AK5: variants seen among roughly 807,000 people sequenced by gnomAD.
The protein encoded by AK5 is adenylate kinase 5, also known as adenylate kinase isoenzyme 5.
Under a neutral mutation model 69.5 loss-of-function variants are expected in AK5, and 27 were observed. That is an observed-to-expected ratio of 0.39 (90% CI 0.29 to 0.54). The LOEUF is 0.54. Ranked by LOEUF, AK5 falls within the 20% of genes least tolerant of loss-of-function variation. The pLI, the probability that AK5 is intolerant of heterozygous loss-of-function variation, is 0.71. For synonymous variants in AK5, 260 were observed against 244.4 expected (o/e 1.06, Z -0.60); for missense variants, 531 against 700.4 (o/e 0.76, Z 2.73).
At chr1:77,466,860 T>A (rs527491882) in intron 8 of AK5, among the ~76,000 whole-genome samples, 7 of 152,226 alleles carry the variant, frequency 4.6e-5, no homozygotes, top group African/African-American at 1.4e-4. Flanking sequence ...AACACATGAG[T>A]CTTGGAGGGG....
intron 6 of AK5, among the ~76,000 whole-genome samples, chr1:77,370,450 G>A (rs1647098836): frequency 6.6e-6 from 1 of 152,016 alleles, no homozygotes; most frequent in South Asian, 2.1e-4. Context: ...AACAGACTTG[G>A]GGGGACTTGG....
intron 5 of AK5, among the ~76,000 whole-genome samples, chr1:77,322,731 G>A (rs1231428799): frequency 6.6e-6 from 1 of 152,038 alleles, no homozygotes; most frequent in Non-Finnish European, 1.5e-5. Context: ...TTTCTCCAGT[G>A]CTCTCTCCAC....
At chr1:77,454,994 G>C (rs74092625) in intron 8 of AK5, among the ~76,000 whole-genome samples, 4,994 of 152,240 alleles carry the variant, frequency 0.033, 222 homozygotes, top group East Asian at 0.19. Context: ...AAGCAATGAT[G>C]ATTAACAGCT....
At chr1:77,439,567 C>G (rs954346358) in intron 8 of AK5, among the ~76,000 whole-genome samples, 1 of 152,066 alleles carries the variant, frequency 6.6e-6, no homozygotes, top group Admixed American at 6.6e-5. Context: ...ATCACTCTTC[C>G]TAGCCTCTGG....
At chr1:77,319,669 C>G (rs988206556) in intron 5 of AK5, among the ~76,000 whole-genome samples, 2 of 152,152 alleles carry the variant, frequency 1.3e-5, no homozygotes, top group African/African-American at 4.8e-5. Flanking sequence ...TCCTTAATGT[C>G]TTTAATAGAA....
intron 13 of AK5, among the ~76,000 whole-genome samples, chr1:77,543,999 A>G (rs1659414404): frequency 6.6e-6 from 1 of 152,208 alleles, no homozygotes; most frequent in African/African-American, 2.4e-5. Flanking sequence ...TGCATCATTA[A>G]GCAATTTTGT....
At chr1:77,384,723 A>G (rs941642615) in intron 6 of AK5, among the ~76,000 whole-genome samples, 3 of 152,238 alleles carry the variant, frequency 2.0e-5, no homozygotes, top group Non-Finnish European at 2.9e-5. Flanking sequence ...ACTAGAAATA[A>G]TTCAATGCCC....
At chr1:77,424,792 C>G (rs1251048129) in intron 8 of AK5, among the ~76,000 whole-genome samples, 1 of 152,048 alleles carries the variant, frequency 6.6e-6, no homozygotes, top group Non-Finnish European at 1.5e-5. Flanking sequence ...AAAGATGTAA[C>G]ATATGCATAA....
chr1:77,401,895 G>A (rs1199899445), intron 6 of AK5, among the ~76,000 whole-genome samples: 1 of 152,128 alleles, frequency 6.6e-6, no homozygotes, highest in East Asian at 1.9e-4. Flanking sequence ...GGAATTTGGT[G>A]AGCATTTCAT....
At chr1:77,391,495 GTATATATA>G (rs753916010) in intron 6 of AK5, among the ~76,000 whole-genome samples, 33 of 63,398 alleles carry the variant, frequency 5.2e-4, no homozygotes, top group East Asian at 1.3e-3. Context: ...GTGTGTGTGT[GTATATATA>G]TATATATATA....
intron 8 of AK5, among the ~76,000 whole-genome samples, chr1:77,469,868 C>T (rs1311840230): frequency 6.6e-6 from 1 of 152,056 alleles, no homozygotes; most frequent in Non-Finnish European, 1.5e-5. Context: ...GTTAAAGGGT[C>T]GGGGGAAAAT....
intron 8 of AK5, among the ~76,000 whole-genome samples, chr1:77,467,185 C>T (rs529632717): frequency 7.2e-5 from 11 of 152,270 alleles, no homozygotes; most frequent in African/African-American, 2.4e-4. Flanking sequence ...GGAGTTCAGT[C>T]CCCTGGGTCA....
At chr1:77,283,112 A>G (rs1658154884) in intron 1 of AK5, 2 of 985,864 alleles carry the variant, frequency 2.0e-6, no homozygotes, top group East Asian at 1.1e-4. Flanking sequence ...GCACAGCATC[A>G]TCTGCACCGG....
intron 13 of AK5, among the ~76,000 whole-genome samples, chr1:77,545,312 G>GAC (rs550722343): frequency 6.6e-6 from 1 of 151,378 alleles, no homozygotes; most frequent in African/African-American, 2.4e-5. Flanking sequence ...TTTTACTACA[G>GAC]ACACACACAC....
At chr1:77,370,660 G>C (rs746801094) in intron 6 of AK5, among the ~76,000 whole-genome samples, 1 of 152,220 alleles carries the variant, frequency 6.6e-6, no homozygotes, top group Non-Finnish European at 1.5e-5. Flanking sequence ...CTCCCATTTA[G>C]TACAGTCTCT....
intron 13 of AK5, 120 bp from the exon 14 acceptor site, chr1:77,558,482 G>GGT: frequency 1.6e-6 from 1 of 616,960 alleles, no homozygotes; most frequent in Non-Finnish European, 2.9e-6. Context: ...TGTTTTGGGG[G>GGT]GGGTCTTGTG....
chr1:77,476,920 C>A (rs1211019095), intron 8 of AK5, among the ~76,000 whole-genome samples: 135 of 135,766 alleles, frequency 9.9e-4, no homozygotes, highest in Non-Finnish European at 1.4e-3. Context: ...AAAAAAAAAA[C>A]AGGTATAAGG....
chr1:77,491,951 GT>G (rs2100738788), intron 10 of AK5, among the ~76,000 whole-genome samples: 1 of 152,198 alleles, frequency 6.6e-6, no homozygotes, highest in East Asian at 1.9e-4. Context: ...TGTTGTTTTT[GT>G]TTTTTCTTGA....
intron 8 of AK5, chr1:77,420,219 A>T (rs761970473): frequency 6.6e-6 from 1 of 152,202 alleles, no homozygotes; most frequent in African/African-American, 2.4e-5. Flanking sequence ...GGTCCATATT[A>T]AATGGTATGC....
Sources: allele counts gnomAD v4.1 joint callset (sites outside exome capture counted in the v4.1 genomes callset), GRCh38; gene constraint gnomAD v4.1.1; transcripts MANE v1.5; gene names NCBI Gene and HGNC (gene_info 2026-07-23, HGNC 2026-07-21).